The following TRIM9 variants were observed in gnomAD, a reference collection of about 807,000 sequenced individuals.
The protein encoded by TRIM9 is tripartite motif containing 9.
Under a neutral mutation model 78.3 loss-of-function variants are expected in TRIM9, and 26 were observed. The observed-to-expected ratio is 0.33, with a 90% confidence interval of 0.24 to 0.46. The LOEUF is 0.46. TRIM9 is among the 20% of genes least tolerant of loss of function. The pLI, the probability that TRIM9 is intolerant of heterozygous loss-of-function variation, is 1.00. For synonymous variants in TRIM9, 398 were observed against 416.5 expected, an observed-to-expected ratio of 0.96 and a Z score of 0.54; for missense variants, 787 against 1,036.4, an observed-to-expected ratio of 0.76 and a Z score of 3.30.
intron 1 of TRIM9, among the ~76,000 whole-genome samples, chr14:51,058,873 A>G (rs2061107100): frequency 6.6e-6 from 1 of 152,208 alleles, no homozygotes; most frequent in South Asian, 2.1e-4. Flanking sequence ...TCTTAAACAT[A>G]GTGAGTTATA....
rs952134383 is a variant in TRIM9 at position 51,094,384 on chromosome 14, C to A, written c.556G>T (p.Asp186Tyr). ...KEATVMCEQC[D>Y]VFYCDPCRLR... ...CGGCACGGATCGCAGTAGAAGACAT[C>A]GCACTGTTCGCACATGACGGTGGCT... Residue 186 changes from aspartate (D) to tyrosine (Y), a missense_variant, in exon 1 of 13, where the codon GAT (aspartate) becomes TAT (tyrosine). This residue lies in a region of TRIM9 where 352 missense variants were observed against 472.3 expected (regional missense o/e 0.75). Coordinates refer to ENST00000684578, the MANE Select transcript of TRIM9 (RefSeq NM_001387360.1). The A allele has an allele frequency of 1.2e-6, 2 of 1,613,848 alleles. No individual in the cohort carries two copies. Among genetic ancestry groups the A allele is most frequent in the African/African-American group, 2.7e-5 (2 of 75,068 alleles).
At chr14:50,984,274 C>G (rs1482401377) in intron 8 of TRIM9, among the ~76,000 whole-genome samples, 1 of 152,040 alleles carries the variant, frequency 6.6e-6, no homozygotes, top group Non-Finnish European at 1.5e-5. Context: ...TTTAGTAAGG[C>G]CTTTATATGC....
rs754980095 is a variant in TRIM9, at chr14:51,094,402, C to T, written c.538G>A (p.Val180Ile). ...LCEKAPKEAT[V>I]MCEQCDVFYC... Reference sequence around the variant, plus strand: ...AAGACATCGCACTGTTCGCACATGACGGTGGCTTCCTTGGGCGCCTTCTCG... The same window carrying T: ...AAGACATCGCACTGTTCGCACATGATGGTGGCTTCCTTGGGCGCCTTCTCG... The change falls in exon 1 of 13, where the codon GTC (valine) becomes ATC (isoleucine). Residue 180 changes from valine (V) to isoleucine (I), a missense_variant. This residue lies in a region of TRIM9 where 352 missense variants were observed against 472.3 expected (regional missense o/e 0.75). Coordinates refer to ENST00000684578, the MANE Select transcript of TRIM9 (RefSeq NM_001387360.1). The T allele has an allele frequency of 6.2e-7, 1 of 1,613,930 alleles. No homozygotes were observed. Among genetic ancestry groups the T allele is most frequent in the East Asian group, 2.2e-5 (1 of 44,874 alleles).
chr14:50,986,168 T>C, intron 7 of TRIM9, 24 bp from the exon 8 acceptor site: 1 of 1,468,710 alleles, frequency 6.8e-7, no homozygotes. Flanking sequence ...CAATGCAAAC[T>C]AGAGATCAGA....
intron 1 of TRIM9, among the ~76,000 whole-genome samples, chr14:51,073,424 T>G (rs1487354034): frequency 6.6e-6 from 1 of 152,190 alleles, no homozygotes; most frequent in Non-Finnish European, 1.5e-5. Context: ...ACAGAATGGA[T>G]AAATTGTGAA....
At chr14:50,997,842 C>T (rs1195799020) in intron 7 of TRIM9, 77 of 1,396,514 alleles carry the variant, frequency 5.5e-5, no homozygotes, top group Non-Finnish European at 7.2e-5. Flanking sequence ...GCCATTGGAA[C>T]TGCCGATGTG....
At chr14:51,055,859 T>C (rs2060857776) in intron 1 of TRIM9, among the ~76,000 whole-genome samples, 1 of 152,240 alleles carries the variant, frequency 6.6e-6, no homozygotes, top group African/African-American at 2.4e-5. Context: ...CAATATAACT[T>C]GCACAAATTT....
intron 5 of TRIM9, 114 bp from the exon 6 acceptor site, chr14:51,000,954 G>T: frequency 8.0e-7 from 1 of 1,250,522 alleles, no homozygotes; most frequent in Non-Finnish European, 1.1e-6. Context: ...AGAATGGGGT[G>T]CACAGGGGAA....
chr14:51,012,450 G>A (rs1596169368), intron 3 of TRIM9, among the ~76,000 whole-genome samples: 1 of 152,182 alleles, frequency 6.6e-6, no homozygotes, highest in African/African-American at 2.4e-5. Context: ...TATGTATATC[G>A]CATTTTGTTT....
intron 1 of TRIM9, among the ~76,000 whole-genome samples, chr14:51,079,548 T>C (rs1164031020): frequency 2.6e-5 from 4 of 152,218 alleles, no homozygotes; most frequent in Non-Finnish European, 5.9e-5. Context: ...CCCAGATGTG[T>C]ATGTAATCTT....
chr14:51,041,050 A>G (rs2059544505), intron 1 of TRIM9, among the ~76,000 whole-genome samples: 2 of 152,192 alleles, frequency 1.3e-5, no homozygotes, highest in East Asian at 1.9e-4. Flanking sequence ...ATAACTGTCA[A>G]TATTATTCAG....
rs1306693164 is a variant in TRIM9 at position 50,986,155 on chromosome 14, G to C, written c.1604-11C>G. 1.5e-5 allele frequency: 23 copies of C among 1,494,130 alleles called. No homozygotes were observed. Among genetic ancestry groups the C allele is most frequent in the Admixed American group, 2.2e-5 (1 of 44,892 alleles). 92.6% of individuals were successfully genotyped at this position (1,494,130 alleles called of 1,614,324 possible). A position where few individuals can be genotyped will look rare whatever the true frequency, so the allele number is the denominator to read the frequency against. ...CTTCTGAATCTGTGTCTAAATGTAA[G>C]ATCAATGCAAACTAGAGATCAGAAG... On this transcript the variant is annotated splice_polypyrimidine_tract_variant and intron_variant, in intron 7 of 12. Coordinates refer to ENST00000684578, the MANE Select transcript of TRIM9 (RefSeq NM_001387360.1).
chr14:51,039,956 A>T (rs889399118), intron 1 of TRIM9, among the ~76,000 whole-genome samples: 2 of 151,936 alleles, frequency 1.3e-5, no homozygotes, highest in African/African-American at 4.8e-5. Context: ...TTAAATTTAG[A>T]GTATTTTTAG....
At chr14:50,990,245 T>C (rs1452902102) in intron 7 of TRIM9, among the ~76,000 whole-genome samples, 1 of 152,162 alleles carries the variant, frequency 6.6e-6, no homozygotes, top group African/African-American at 2.4e-5. Flanking sequence ...CTCAAACCAC[T>C]GGCCTCAAGC....
At chr14:51,026,791 A>C (rs371337165) in intron 1 of TRIM9, among the ~76,000 whole-genome samples, 1 of 152,342 alleles carries the variant, frequency 6.6e-6, no homozygotes, top group South Asian at 2.1e-4. Flanking sequence ...TCTATCCCCT[A>C]TAAGTGTGAC....
intron 1 of TRIM9, among the ~76,000 whole-genome samples, chr14:51,042,380 CTGT>C (rs2059639699): frequency 6.6e-6 from 1 of 152,220 alleles, no homozygotes; most frequent in Non-Finnish European, 1.5e-5. Context: ...GATCTGAAAC[CTGT>C]CACTTAAGAA....
chr14:51,064,487 A>C (rs188107421), intron 1 of TRIM9, among the ~76,000 whole-genome samples: 76 of 143,450 alleles, frequency 5.3e-4, no homozygotes, highest in African/African-American at 2.0e-3. Flanking sequence ...GTGTATTTTA[A>C]ATATAAAGAA....
intron 1 of TRIM9, among the ~76,000 whole-genome samples, chr14:51,033,771 T>C (rs1203333548): frequency 6.6e-6 from 1 of 152,258 alleles, no homozygotes; most frequent in Non-Finnish European, 1.5e-5. Context: ...AAATCATCTA[T>C]TTATTTTAGA....
At chr14:51,019,695 A>G (rs931164848) in intron 3 of TRIM9, among the ~76,000 whole-genome samples, 4 of 152,212 alleles carry the variant, frequency 2.6e-5, no homozygotes, top group Admixed American at 2.0e-4. Context: ...AACAGTTAAT[A>G]TACATTAAAG....
Sources: allele counts gnomAD v4.1 joint callset (sites outside exome capture counted in the v4.1 genomes callset), GRCh38; gene constraint gnomAD v4.1.1; regional missense constraint gnomAD v4.1.1; transcripts MANE v1.5; gene names NCBI Gene and HGNC (gene_info 2026-07-23, HGNC 2026-07-21).